Variants in PAIP2B observed in about 807,000 individuals in gnomAD.
PAIP2B encodes polyadenylate-binding protein-interacting protein 2B.
PAIP2B carries 13 observed loss-of-function variants against 17.0 expected under a neutral mutation model. The ratio of observed to expected loss-of-function variants is 0.76; its 90% CI spans 0.50 to 1.22. The LOEUF is 1.22. Ranked by LOEUF, PAIP2B falls within the 50% of genes most tolerant of loss-of-function variation. The probability of loss-of-function intolerance (pLI) is 0.00; values close to 1 mark genes in which losing one functional copy is unlikely to be tolerated. For missense variants in PAIP2B, 117 were observed against 144.5 expected (o/e 0.81, Z 0.98); for synonymous variants, 43 against 48.7 (o/e 0.88, Z 0.48).
At chr2:71,199,841 C>T (rs978796235) in intron 2 of PAIP2B, among the ~76,000 whole-genome samples, 1 of 152,188 alleles carries the variant, frequency 6.6e-6, no homozygotes, top group South Asian at 2.1e-4. Flanking sequence ...GCCTGGGCAA[C>T]ATAGCAAGAC....
intron 1 of PAIP2B, among the ~76,000 whole-genome samples, chr2:71,207,560 C>T (rs934117594): frequency 1.3e-5 from 2 of 152,104 alleles, no homozygotes; most frequent in African/African-American, 4.8e-5. Context: ...ATCACTCAGG[C>T]TGCCATGTGG....
At chr2:71,216,271 G>A (rs1251440566) in intron 1 of PAIP2B, among the ~76,000 whole-genome samples, 1 of 152,210 alleles carries the variant, frequency 6.6e-6, no homozygotes, top group African/African-American at 2.4e-5. Context: ...TGATGGGGGA[G>A]AGAAGAAGGA....
intron 1 of PAIP2B, among the ~76,000 whole-genome samples, chr2:71,210,110 C>A (rs973610646): frequency 6.6e-6 from 1 of 152,214 alleles, no homozygotes; most frequent in African/African-American, 2.4e-5. Context: ...CAGGCATGAG[C>A]CACCACTCCC....
At chr2:71,200,997 TTGTGTGTGTGGGTG>T (rs1452816464) in intron 2 of PAIP2B, among the ~76,000 whole-genome samples, 1 of 111,422 alleles carries the variant, frequency 9.0e-6, no homozygotes, top group Admixed American at 1.1e-4. Flanking sequence ...CTCAATCTCT[TTGTGTGTGTGGGTG>T]TGTGTGTGTG....
intron 1 of PAIP2B, among the ~76,000 whole-genome samples, chr2:71,217,606 G>A (rs1376185141): frequency 2.0e-5 from 3 of 152,226 alleles, no homozygotes; most frequent in Non-Finnish European, 2.9e-5. Context: ...ATGAGGCAGA[G>A]TCCTGGTAGG....
At chr2:71,196,437 C>T (rs1674820327) in intron 2 of PAIP2B, among the ~76,000 whole-genome samples, 1 of 152,038 alleles carries the variant, frequency 6.6e-6, no homozygotes, top group African/African-American at 2.4e-5. Context: ...ATTATGTGGT[C>T]AATTTTAAAG....
chr2:71,225,896 G>A (rs1675709574), intron 1 of PAIP2B, among the ~76,000 whole-genome samples: 1 of 152,188 alleles, frequency 6.6e-6, no homozygotes, highest in African/African-American at 2.4e-5. Context: ...GGTTGGGTGT[G>A]ATCGAATCAC....
At chr2:71,206,456 T>C (rs896213726) in intron 1 of PAIP2B, among the ~76,000 whole-genome samples, 9 of 152,198 alleles carry the variant, frequency 5.9e-5, no homozygotes, top group Non-Finnish European at 1.0e-4. Context: ...ACCCTGTTAA[T>C]AGTCAATACA....
At chr2:71,209,866 C>T (rs564813315) in intron 1 of PAIP2B, among the ~76,000 whole-genome samples, 19 of 152,036 alleles carry the variant, frequency 1.2e-4, no homozygotes, top group Admixed American at 3.9e-4. Context: ...CTCTGTCGCC[C>T]CAGGCTGGAG....
chr2:71,193,639 G>T (rs1483549231), intron 2 of PAIP2B, among the ~76,000 whole-genome samples: 2 of 152,080 alleles, frequency 1.3e-5, no homozygotes, highest in African/African-American at 4.8e-5. Context: ...AGATCATGAG[G>T]TTAGTAGACT....
At chr2:71,202,667 T>G in intron 1 of PAIP2B, 67 bp from the exon 2 acceptor site, 1 of 1,337,292 alleles carries the variant, frequency 7.5e-7, no homozygotes, top group Non-Finnish European at 1.0e-6. Flanking sequence ...ACCTAAAACA[T>G]GCAGATTCTG....
chr2:71,190,924 G>T (rs759273869), intron 2 of PAIP2B, among the ~76,000 whole-genome samples: 56 of 152,170 alleles, frequency 3.7e-4, no homozygotes, highest in Non-Finnish European at 6.9e-4. Context: ...CATAATCAAT[G>T]TAGTATTCTT....
chr2:71,225,062 G>A (rs532403507), intron 1 of PAIP2B, among the ~76,000 whole-genome samples: 1 of 152,254 alleles, frequency 6.6e-6, no homozygotes, highest in Admixed American at 6.5e-5. Context: ...TTGATTGATT[G>A]GTTGATTGAC....
intron 2 of PAIP2B, among the ~76,000 whole-genome samples, chr2:71,201,310 G>A (rs1231412547): frequency 6.6e-6 from 1 of 151,872 alleles, no homozygotes. Context: ...GAAACCATTA[G>A]GTCAACAAAA....
At chr2:71,192,252 T>C (rs1572920998) in intron 2 of PAIP2B, among the ~76,000 whole-genome samples, 1 of 142,718 alleles carries the variant, frequency 7.0e-6, no homozygotes, top group Non-Finnish European at 1.5e-5. Context: ...TTTTGCTTCA[T>C]AGATACTGCA....
intron 1 of PAIP2B, among the ~76,000 whole-genome samples, chr2:71,204,438 A>G (rs906521248): frequency 1.3e-5 from 2 of 151,910 alleles, no homozygotes; most frequent in Admixed American, 6.6e-5. Flanking sequence ...TTGTTTTGCA[A>G]TTTCCTAACC....
At chr2:71,223,688 C>T (rs1430355372) in intron 1 of PAIP2B, among the ~76,000 whole-genome samples, 1 of 152,156 alleles carries the variant, frequency 6.6e-6, no homozygotes, top group Non-Finnish European at 1.5e-5. Context: ...CCACCTGCCT[C>T]AGCCTCCCAA....
chr2:71,185,341 T>A lies in PAIP2B; in HGVS notation c.*3138A>T, dbSNP rs1674509060. 1 of 151,976 alleles carries A rather than the reference T, an allele frequency of 6.6e-6. No individual in the cohort carries two copies. The highest frequency in any genetic ancestry group is 6.6e-5 in the Admixed American group (1 of 15,238). 9.4% of individuals were successfully genotyped at this position (151,976 alleles called of 1,614,324 possible). On this transcript the variant is annotated 3_prime_UTR_variant, in exon 4 of 4. Transcript: ENST00000244221. ...GGGAGGCTGAGATGGGAGAATCACT[T>A]GAGCACAACAATTCAAGAGTAGCTT...
At chr2:71,194,090 T>TA (rs1457237693) in intron 2 of PAIP2B, among the ~76,000 whole-genome samples, 2 of 152,224 alleles carry the variant, frequency 1.3e-5, no homozygotes, top group African/African-American at 4.8e-5. Flanking sequence ...CCTGCTTTTG[T>TA]ACCAGTACCA....
Sources: allele counts gnomAD v4.1 joint callset (sites outside exome capture counted in the v4.1 genomes callset), GRCh38; gene constraint gnomAD v4.1.1; transcripts MANE v1.5; gene names NCBI Gene and HGNC (gene_info 2026-07-23, HGNC 2026-07-21).